Variants in GRHL3 observed in about 807,000 individuals in gnomAD.
GRHL3 encodes grainyhead like transcription factor 3, also known as grainyhead-like protein 3 homolog.
A neutral mutation model predicts 70.3 loss-of-function variants in GRHL3; 20 were observed. The ratio of observed to expected loss-of-function variants is 0.28; its 90% CI spans 0.20 to 0.41. The LOEUF (loss-of-function observed/expected upper bound fraction) is 0.41, where lower values mean the gene tolerates loss of function less well. GRHL3 is among the 10% of genes least tolerant of loss of function. GRHL3 has a pLI of 1.00. For synonymous variants in GRHL3, 299 were observed against 299.9 expected, an observed-to-expected ratio of 1.00 and a Z score of 0.03; for missense variants, 637 against 762.3, an observed-to-expected ratio of 0.84 and a Z score of 1.94.
At chr1:24,337,877 C>CTGTT in intron 6 of GRHL3, 88 bp downstream of exon 6, 1 of 1,583,312 alleles carries the variant, frequency 6.3e-7, no homozygotes, top group Non-Finnish European at 8.6e-7. Context: ...TGGGGAAAGG[C>CTGTT]TGTTTGATAA....
At chr1:24,355,898 CTTTTTT>C (rs59310312), downstream of GRHL3, among the ~76,000 whole-genome samples, 24 of 144,756 alleles carry the variant, frequency 1.7e-4, no homozygotes, top group Admixed American at 8.2e-4. Flanking sequence ...TTTCATTTAT[CTTTTTT>C]TTTTTTTTTT....
At position 24,342,034 on chromosome 1, in the gene GRHL3, C is replaced by T. The variant is rs1640062074; in HGVS notation, c.1048-81C>T. ...GGGTGAGCAGCAGGCACACAGAAAG[C>T]TAGAAATACAGGATCACTGTGGGAC... On this transcript the variant is annotated intron_variant, in intron 8 of 15. Transcript: ENST00000361548. This position sits in a 1 kb window ranked among gnomAD's most constrained non-coding sequence, Gnocchi z 4.8. 3.0e-6 allele frequency: 4 copies of T among 1,347,048 alleles called. No individual in the cohort carries two copies. The highest frequency in any genetic ancestry group is 3.0e-6 in the Non-Finnish European group (3 of 993,072). 83.4% of individuals were successfully genotyped at this position (1,347,048 alleles called of 1,614,324 possible). A position where few individuals can be genotyped will look rare whatever the true frequency, so the allele number is the denominator to read the frequency against.
chr1:24,335,633 A>G (rs1010746978), intron 3 of GRHL3, among the ~76,000 whole-genome samples: 1 of 147,296 alleles, frequency 6.8e-6, no homozygotes, highest in East Asian at 2.0e-4. Flanking sequence ...CCCAGGCTGG[A>G]GTGCAGTGGC....
At chr1:24,350,465 A>G (rs762504793) in intron 15 of GRHL3, among the ~76,000 whole-genome samples, 4 of 152,246 alleles carry the variant, frequency 2.6e-5, no homozygotes, top group Admixed American at 6.5e-5. Flanking sequence ...CATCCCCTTG[A>G]GCACTCACTA....
In GRHL3 at chr1:24,342,604, T is replaced by G; in HGVS notation, c.1207-90T>G. The G allele has an allele frequency of 8.5e-7, 1 of 1,182,690 alleles. No homozygotes were observed. The highest frequency in any genetic ancestry group is 1.3e-6 in the Non-Finnish European group (1 of 790,888). The allele number at this position is 1,182,690 out of a possible 1,614,324, so 73.3% of individuals were successfully genotyped here. ...TCTGGAAAAAAGAAGGACCAGAAGC[T>G]TGGCCCATATTTAAGATGCAAAGCA... On this transcript the variant is annotated intron_variant, in intron 9 of 15. Coordinates refer to ENST00000361548, the MANE Select transcript of GRHL3 (RefSeq NM_198173.3). The surrounding 1 kb of genome is among the most constrained non-coding windows in gnomAD (Gnocchi z 4.8).
intron 1 of GRHL3, 46 bp downstream of exon 1, chr1:24,319,614 C>G: frequency 6.2e-7 from 1 of 1,613,420 alleles, no homozygotes. Flanking sequence ...AGCGTGGAGG[C>G]TGGATGGGGT....
rs143616544 is a variant in GRHL3 at position 24,344,600 on chromosome 1, G to T, written c.1420-297G>T. Among the ~76,000 whole-genome samples the T allele has an allele frequency of 3.3e-5, 5 of 151,810 alleles. No homozygotes were observed. In the South Asian group the frequency reaches 8.3e-4, roughly 25 times the overall value. ...CCATCTGCAATTCCCAGCCCTTCTG[G>T]GCATGCTGGGGCCCAGGTGGGGCTC... is the stretch of plus-strand genomic sequence containing the variant. On this transcript the variant is annotated intron_variant, in intron 11 of 15. Transcript: ENST00000361548.
chr1:24,346,916 T>TC (rs1640310925), intron 13 of GRHL3, among the ~76,000 whole-genome samples: 1 of 151,826 alleles, frequency 6.6e-6, no homozygotes, highest in African/African-American at 2.4e-5. Flanking sequence ...GCTGGGCGAG[T>TC]CCCCCCTCTC....
chr1:24,342,700 G>C lies in GRHL3; in HGVS notation c.1213G>C (p.Glu405Gln). ...CTCTCCTTCTCCCCTGCAGGGAGCT[G>C]AGAGGAAGATGCGCGATGACGAGCG... ...QIKIFCDKGA[E>Q]RKMRDDERKQ... The change falls in exon 10 of 16, where the codon GAG becomes CAG. Residue 405 changes from glutamate to glutamine, a missense_variant. Physicochemically the swap from Glu to Gln is conservative, Grantham distance 29 (BLOSUM62 2). Around this residue, in one of 2 missense-constraint regions of GRHL3, gnomAD observed 387 missense variants for 513.8 expected, o/e 0.75. Coordinates refer to ENST00000361548, the MANE Select transcript of GRHL3 (RefSeq NM_198173.3). The surrounding 1 kb of genome is among the most constrained non-coding windows in gnomAD (Gnocchi z 4.8). 6.2e-7 allele frequency: 1 copy of C among 1,614,208 alleles called. No homozygotes were observed. Among genetic ancestry groups the C allele is most frequent in the South Asian group, 1.1e-5 (1 of 91,090 alleles).
rs1639256995 is a variant in GRHL3 at position 24,322,962 on chromosome 1, G to C, written c.17+3394G>C. The C allele has an allele frequency of 7.2e-6, 6 of 832,140 alleles. No homozygotes were observed. In the South Asian group the frequency reaches 9.7e-5, roughly 13 times the overall value. The allele number at this position is 832,140 out of a possible 1,614,324, so 51.5% of individuals were successfully genotyped here. A position where few individuals can be genotyped will look rare whatever the true frequency, so the allele number is the denominator to read the frequency against. On this transcript the variant is annotated intron_variant, in intron 1 of 15. Transcript: ENST00000361548. This position sits in a 1 kb window ranked among gnomAD's most constrained non-coding sequence, Gnocchi z 4.4. Reference sequence around the variant, plus strand: ...TTGCCCAAGGTCTCACGGAAGCACTGGGATCTTAACCGGGTCTTAGCCGAG... The same window carrying C: ...TTGCCCAAGGTCTCACGGAAGCACTCGGATCTTAACCGGGTCTTAGCCGAG...
At chr1:24,356,765 C>T (rs1640735662), downstream of GRHL3, among the ~76,000 whole-genome samples, 1 of 152,204 alleles carries the variant, frequency 6.6e-6, no homozygotes, top group Non-Finnish European at 1.5e-5. Flanking sequence ...CCCTGCGTAC[C>T]CTCCCTAACT....
rs369794868 is a variant in GRHL3 at position 24,331,560 on chromosome 1, A to C, written c.152A>C (p.Asn51Thr). The C allele has an allele frequency of 6.2e-7, 1 of 1,614,148 alleles. No homozygotes were observed. Among genetic ancestry groups the C allele is most frequent in the South Asian group, 1.1e-5 (1 of 91,068 alleles). ...TAATKAMMRV[N>T]GDDDSVAALS... The stretch of plus-strand genomic sequence containing the variant: ...GCCACAAAGGCCATGATGAGAGTCA[A>C]TGGAGATGATGACAGTGTTGCGGCC... Residue 51 changes from asparagine (N) to threonine (T), a missense_variant, in exon 2 of 16, where the codon AAT (asparagine) becomes ACT (threonine). Coordinates refer to ENST00000361548, the MANE Select transcript of GRHL3 (RefSeq NM_198173.3).
At chr1:24,347,913 C>T (rs1056645708) in intron 14 of GRHL3, among the ~76,000 whole-genome samples, 3 of 152,136 alleles carry the variant, frequency 2.0e-5, no homozygotes, top group African/African-American at 7.2e-5. Flanking sequence ...TTTTTCTTTC[C>T]CAGGGGGCCT....
At chr1:24,357,273 AGAG>A (rs1230268320), downstream of GRHL3, 2 of 152,238 alleles carry the variant, frequency 1.3e-5, no homozygotes, top group Non-Finnish European at 2.9e-5. Context: ...GTTAAATGAC[AGAG>A]GAGTGTGGAA....
rs537470237 is a variant in GRHL3, at chr1:24,319,477, C to G, written c.-75C>G. On this transcript the variant is annotated 5_prime_UTR_variant, in exon 1 of 16. Transcript: ENST00000361548. ...AAACACTTTCCCGGGCAGAGAATGT[C>G]TGTGTCAGGCAAGAATTAGAGACAA... 1.4e-6 allele frequency: 2 copies of G among 1,403,786 alleles called. No homozygotes were observed. Among genetic ancestry groups the G allele is most frequent in the East Asian group, 4.5e-5 (2 of 43,960 alleles). The allele number at this position is 1,403,786 out of a possible 1,614,324, so 87.0% of individuals were successfully genotyped here. A position where few individuals can be genotyped will look rare whatever the true frequency, so the allele number is the denominator to read the frequency against.
At chr1:24,333,513 T>C (rs1250354787) in intron 2 of GRHL3, among the ~76,000 whole-genome samples, 1 of 152,194 alleles carries the variant, frequency 6.6e-6, no homozygotes, top group East Asian at 1.9e-4. Context: ...AACAATATTA[T>C]AATTATACTC....
intron 8 of GRHL3, among the ~76,000 whole-genome samples, chr1:24,340,057 G>A (rs1391234315): frequency 6.6e-6 from 1 of 152,204 alleles, no homozygotes; most frequent in Non-Finnish European, 1.5e-5. Context: ...CCAACTGGTA[G>A]GTTGTAGTGA....
chr1:24,354,358 C>G lies in GRHL3; in HGVS notation c.1695-16C>G. On this transcript the variant is annotated splice_polypyrimidine_tract_variant and intron_variant, in intron 15 of 15. Coordinates refer to ENST00000361548, the MANE Select transcript of GRHL3 (RefSeq NM_198173.3). Reference sequence around the variant, plus strand: ...GCGCCTGCTGTGTTCCAACCACATCCCCTCTTCCATTCCAGAATCTTAGTC... The same window carrying G: ...GCGCCTGCTGTGTTCCAACCACATCGCCTCTTCCATTCCAGAATCTTAGTC... 2 of 1,578,450 alleles carry G rather than the reference C, an allele frequency of 1.3e-6. No homozygotes were observed. Among genetic ancestry groups the G allele is most frequent in the Non-Finnish European group, 1.7e-6 (2 of 1,147,676 alleles).
At chr1:24,338,331 A>G (rs1046901344) in intron 7 of GRHL3, among the ~76,000 whole-genome samples, 2 of 152,144 alleles carry the variant, frequency 1.3e-5, no homozygotes, top group Non-Finnish European at 2.9e-5. Flanking sequence ...GCAGTGTGAG[A>G]TAAATAGGCT....
Sources: allele counts gnomAD v4.1 joint callset (sites outside exome capture counted in the v4.1 genomes callset), GRCh38; gene constraint gnomAD v4.1.1; regional missense constraint gnomAD v4.1.1; non-coding constraint Gnocchi (gnomAD v3.1); transcripts MANE v1.5; gene names NCBI Gene and HGNC (gene_info 2026-07-23, HGNC 2026-07-21).